The following VAV3 variants were observed in gnomAD, a reference collection of about 807,000 sequenced individuals.
The protein encoded by VAV3 is vav guanine nucleotide exchange factor 3.
In VAV3, 94 loss-of-function variants were observed where a neutral mutation model predicts 131.2. That is an observed-to-expected ratio of 0.72 (90% CI 0.61 to 0.85). VAV3 has a LOEUF of 0.85. VAV3 is among the 40% of genes least tolerant of loss of function. VAV3 has a pLI of 0.00. For synonymous variants in VAV3, 349 were observed against 342.0 expected (o/e 1.02, Z -0.22); for missense variants, 939 against 1,002.7 (o/e 0.94, Z 0.86).
chr1:107,868,453 A>G (rs1670104063), intron 2 of VAV3, among the ~76,000 whole-genome samples: 1 of 152,144 alleles, frequency 6.6e-6, no homozygotes, highest in Non-Finnish European at 1.5e-5. Context: ...TTCTTGTGAC[A>G]GGGAAAGCCA....
At chr1:107,708,723 T>C (rs1189520049) in intron 15 of VAV3, among the ~76,000 whole-genome samples, 2 of 152,120 alleles carry the variant, frequency 1.3e-5, no homozygotes, top group Admixed American at 6.6e-5. Flanking sequence ...TCCTGACATA[T>C]CTGATTCATT....
chr1:107,700,173 T>C (rs971339133), intron 17 of VAV3, among the ~76,000 whole-genome samples: 4 of 152,224 alleles, frequency 2.6e-5, no homozygotes, highest in Non-Finnish European at 2.9e-5. Context: ...CTTAAAAAGG[T>C]AAGCTTACAA....
chr1:107,853,174 C>A (rs928116925), intron 2 of VAV3, among the ~76,000 whole-genome samples: 1 of 152,122 alleles, frequency 6.6e-6, no homozygotes, highest in Admixed American at 6.5e-5. Flanking sequence ...AGGAGAGCAG[C>A]AGTTAAGAGC....
chr1:107,723,393 A>G (rs1012935166), intron 15 of VAV3, among the ~76,000 whole-genome samples: 2 of 151,878 alleles, frequency 1.3e-5, no homozygotes, highest in African/African-American at 4.8e-5. Flanking sequence ...AATAGGGAAC[A>G]TCCCATAAAA....
intron 15 of VAV3, among the ~76,000 whole-genome samples, chr1:107,720,639 T>C (rs577023154): frequency 9.7e-4 from 147 of 151,926 alleles, no homozygotes; most frequent in Non-Finnish European, 1.0e-3. Context: ...GATCGCACCA[T>C]TGCACTCCAG....
chr1:107,582,486 T>C (rs1432195283), intron 25 of VAV3, among the ~76,000 whole-genome samples: 3 of 152,018 alleles, frequency 2.0e-5, no homozygotes. Context: ...TATGTATACA[T>C]GTGCCACGCT....
At chr1:107,795,865 T>C (rs1666513437) in intron 2 of VAV3, among the ~76,000 whole-genome samples, 1 of 152,162 alleles carries the variant, frequency 6.6e-6, no homozygotes, top group Non-Finnish European at 1.5e-5. Flanking sequence ...AGGTCAAAAG[T>C]GCTGAGCTTA....
Position 107,779,464 on chromosome 1 carries a change from C to G in VAV3, c.350G>C (p.Arg117Pro). ...KVIETLSRLS[R>P]TPIALATGIR... Reference sequence around the variant, plus strand: ...TCCTGTGGCCAATGCTATAGGTGTTCGAGAAAGTCGTGATAATGTTTCTAT... The same window carrying G: ...TCCTGTGGCCAATGCTATAGGTGTTGGAGAAAGTCGTGATAATGTTTCTAT... The change falls in exon 3 of 27, where the codon CGA becomes CCA. Residue 117 changes from arginine to proline, a missense_variant. Arg to Pro is a moderately radical substitution (Grantham distance 103). Coordinates refer to ENST00000370056, the MANE Select transcript of VAV3 (RefSeq NM_006113.5). 6.3e-7 allele frequency: 1 copy of G among 1,586,184 alleles called. No individual in the cohort carries two copies.
chr1:107,731,003 C>T (rs919888967), intron 15 of VAV3, among the ~76,000 whole-genome samples: 1 of 152,084 alleles, frequency 6.6e-6, no homozygotes, highest in African/African-American at 2.4e-5. Context: ...TCTTAGCTAC[C>T]TCACCAGACT....
At chr1:107,643,841 C>A (rs569765582) in intron 19 of VAV3, among the ~76,000 whole-genome samples, 1 of 152,128 alleles carries the variant, frequency 6.6e-6, no homozygotes, top group East Asian at 1.9e-4. Context: ...TGGCTATAAA[C>A]TGAACAGACT....
At chr1:107,791,096 G>T (rs572672974) in intron 2 of VAV3, among the ~76,000 whole-genome samples, 20 of 152,066 alleles carry the variant, frequency 1.3e-4, no homozygotes, top group Admixed American at 2.0e-4. Context: ...CCAGTGTGTG[G>T]CAAAAATGGA....
intron 19 of VAV3, among the ~76,000 whole-genome samples, chr1:107,681,525 G>A (rs1658606582): frequency 6.6e-6 from 1 of 152,028 alleles, no homozygotes; most frequent in Admixed American, 6.6e-5. Flanking sequence ...AGACAGCTGT[G>A]GGAAGAAATA....
intron 10 of VAV3, 59 bp from the exon 11 acceptor site, chr1:107,757,388 A>G: frequency 7.2e-7 from 1 of 1,379,366 alleles, no homozygotes; most frequent in Non-Finnish European, 1.0e-6. Context: ...GACATACTAA[A>G]GAAAACATTT....
chr1:107,827,249 G>C (rs1254725274), intron 2 of VAV3, among the ~76,000 whole-genome samples: 3 of 152,236 alleles, frequency 2.0e-5, no homozygotes, highest in African/African-American at 4.8e-5. Context: ...GGAATGGAAA[G>C]GACAGCACTA....
intron 1 of VAV3, among the ~76,000 whole-genome samples, chr1:107,908,543 G>A (rs1438025378): frequency 6.6e-6 from 1 of 151,882 alleles, no homozygotes; most frequent in African/African-American, 2.4e-5. Context: ...ACATTTTCTG[G>A]CTTTTTAAAA....
intron 2 of VAV3, among the ~76,000 whole-genome samples, chr1:107,827,263 G>A (rs967044580): frequency 2.6e-5 from 4 of 152,096 alleles, no homozygotes; most frequent in African/African-American, 9.7e-5. Context: ...AGCACTATTT[G>A]ACACTTAGTT....
intron 1 of VAV3, among the ~76,000 whole-genome samples, chr1:107,888,403 C>T (rs1671143325): frequency 6.6e-6 from 1 of 152,162 alleles, no homozygotes; most frequent in African/African-American, 2.4e-5. Flanking sequence ...AGGAGAACAC[C>T]ACTTTCTTTC....
intron 17 of VAV3, among the ~76,000 whole-genome samples, chr1:107,695,647 T>C (rs1231066003): frequency 6.6e-6 from 1 of 152,148 alleles, no homozygotes; most frequent in East Asian, 1.9e-4. Context: ...TTAAAATTCA[T>C]ACTTCAGGAG....
At chr1:107,900,492 T>C (rs781438069) in intron 1 of VAV3, among the ~76,000 whole-genome samples, 24 of 152,332 alleles carry the variant, frequency 1.6e-4, no homozygotes, top group Non-Finnish European at 3.4e-4. Flanking sequence ...ATGTTACACC[T>C]TATAAAGTCT....
Sources: allele counts gnomAD v4.1 joint callset (sites outside exome capture counted in the v4.1 genomes callset), GRCh38; gene constraint gnomAD v4.1.1; transcripts MANE v1.5; gene names NCBI Gene and HGNC (gene_info 2026-07-23, HGNC 2026-07-21).